ZNF718: variants seen among roughly 807,000 people sequenced by gnomAD.
The protein encoded by ZNF718 is zinc finger protein 718.
Under a neutral mutation model 2.6 loss-of-function variants are expected in ZNF718, and 3 were observed. That is an observed-to-expected ratio of 1.16 (90% confidence interval 0.53 to 3.01). The LOEUF (loss-of-function observed/expected upper bound fraction) is 3.01, where lower values mean the gene tolerates loss of function less well. Among genes scored for constraint, ZNF718 ranks in the 30% most tolerant of loss-of-function variants. ZNF718 has a pLI of 0.03. For missense variants in ZNF718, 468 were observed against 230.0 expected, an observed-to-expected ratio of 2.03 and a Z score of -6.69; for synonymous variants, 135 against 77.9, an observed-to-expected ratio of 1.73 and a Z score of -3.86.
intron 3 of ZNF718, among the ~76,000 whole-genome samples, chr4:159,472 A>G (rs1296322060): frequency 6.6e-6 from 1 of 151,964 alleles, no homozygotes; most frequent in Non-Finnish European, 1.5e-5. Context: ...TGTAACTCCT[A>G]AGATTCTCTT....
intron 3 of ZNF718, among the ~76,000 whole-genome samples, chr4:169,827 G>A (rs1193653531): frequency 6.6e-6 from 1 of 152,132 alleles, no homozygotes; most frequent in East Asian, 1.9e-4. Context: ...TCTTTTAATT[G>A]GAGTATTTAG....
intron 1 of ZNF718, chr4:125,406 G>T (rs989467332): frequency 2.0e-5 from 3 of 152,480 alleles, no homozygotes; most frequent in African/African-American, 7.2e-5. Context: ...ACTGGCGTCT[G>T]CAGGAGAGCA....
chr4:167,349 A>G (rs1717113815), downstream of ZNF718, among the ~76,000 whole-genome samples: 1 of 152,240 alleles, frequency 6.6e-6, no homozygotes. Context: ...TTTTGGTTCC[A>G]TATGAACTTT....
At chr4:135,732 T>TTTTATATATATA (rs1374008024) in intron 3 of ZNF718, among the ~76,000 whole-genome samples, 1 of 77,632 alleles carries the variant, frequency 1.3e-5, no homozygotes, top group African/African-American at 4.4e-5. Flanking sequence ...TACTCTAGAG[T>TTTTATATATATA]TATATATATG....
intron 3 of ZNF718, among the ~76,000 whole-genome samples, chr4:151,876 A>G (rs1247889846): frequency 3.3e-5 from 5 of 150,460 alleles, no homozygotes; most frequent in Non-Finnish European, 5.9e-5. Flanking sequence ...CGTTCAGCAT[A>G]TGGAGGATCC....
chr4:166,850 G>T (rs930720117), downstream of ZNF718, among the ~76,000 whole-genome samples: 90 of 152,198 alleles, frequency 5.9e-4, no homozygotes, highest in Middle Eastern at 3.4e-3. Context: ...AAGCTCTTTA[G>T]TTTAATTAGA....
chr4:158,261 T>C (rs1001961325), intron 3 of ZNF718, among the ~76,000 whole-genome samples: 5 of 152,286 alleles, frequency 3.3e-5, no homozygotes, highest in Admixed American at 3.3e-4. Context: ...CTTTAATCAT[T>C]AGATTTTAAG....
At chr4:178,140 C>CAT (rs1192595857) in intron 3 of ZNF718, among the ~76,000 whole-genome samples, 3 of 142,188 alleles carry the variant, frequency 2.1e-5, no homozygotes, top group East Asian at 5.3e-4. Flanking sequence ...ATGATAATTT[C>CAT]ATTTTTTTTT....
At chr4:128,604 A>G (rs1715288479) in intron 1 of ZNF718, among the ~76,000 whole-genome samples, 1 of 101,442 alleles carries the variant, frequency 9.9e-6, no homozygotes, top group South Asian at 3.2e-4. Context: ...GCACCACACA[A>G]AGTCAGCCTG....
Position 161,548 on chromosome 4 carries a change from G to A in ZNF718, c.863G>A (p.Cys288Tyr), listed in dbSNP as rs1553815178. ...CAAAAATACTACAAATGTGAAGAAT[G>A]TGGTAAAGCCTTTAAGTGGTCCTCA... ...SAQKYYKCEE[C>Y]GKAFKWSSSL... Residue 288 changes from cysteine to tyrosine, a missense_variant, in exon 4 of 4, where the codon TGT (cysteine) becomes TAT (tyrosine). By Grantham distance (194) the Cys-to-Tyr change is radical. Transcript: ENST00000510175. 3 of 780,898 alleles carry A rather than the reference G, an allele frequency of 3.8e-6. No individual in the cohort carries two copies. The highest frequency in any genetic ancestry group is 2.4e-5 in the East Asian group (1 of 41,228). The allele number at this position is 780,898 out of a possible 1,614,324, so 48.4% of individuals were successfully genotyped here. A position where few individuals can be genotyped will look rare whatever the true frequency, so the allele number is the denominator to read the frequency against.
At chr4:144,442 T>C (rs1266440683) in intron 3 of ZNF718, among the ~76,000 whole-genome samples, 1 of 152,212 alleles carries the variant, frequency 6.6e-6, no homozygotes, top group Non-Finnish European at 1.5e-5. Flanking sequence ...ATTCAAATAC[T>C]ATGATTCCTC....
intron 3 of ZNF718, among the ~76,000 whole-genome samples, chr4:176,383 C>T (rs537653742): frequency 6.6e-6 from 1 of 152,216 alleles, no homozygotes; most frequent in South Asian, 2.1e-4. Flanking sequence ...AAGCCCAACC[C>T]CATTGTTTTA....
chr4:126,088 G>A (rs1715203250), intron 1 of ZNF718, among the ~76,000 whole-genome samples: 1 of 152,192 alleles, frequency 6.6e-6, no homozygotes, highest in Admixed American at 6.5e-5. Context: ...CCACCCCATG[G>A]CTCTTGATAG....
At position 184,943 on chromosome 4, in the gene ZNF718, C is replaced by CA. The variant is rs1717538126; in HGVS notation, c.227-16132dup. Among the ~76,000 whole-genome samples the CA allele has an allele frequency of 9.2e-5, 14 of 151,864 alleles. No individual in the cohort carries two copies. The South Asian group carries it at 2.9e-3, about 32-fold the overall frequency. On this transcript the variant is annotated intron_variant and NMD_transcript_variant, in intron 3 of 4. Coordinates refer to the ZNF718 transcript ENST00000642529. ...TAGAAGTCTATTTTATTAATTTTTTCAAAAAAGCTCCTGGATTTGTTGACA... is the reference window on the plus strand; with the variant it reads ...TAGAAGTCTATTTTATTAATTTTTTCAAAAAAAGCTCCTGGATTTGTTGACA...
intron 3 of ZNF718, among the ~76,000 whole-genome samples, chr4:142,273 T>C (rs1553810388): frequency 6.6e-6 from 1 of 152,206 alleles, no homozygotes; most frequent in East Asian, 1.9e-4. Context: ...TTTTTTCTTA[T>C]GCTTCTACAA....
Position 141,747 on chromosome 4 carries a change from G to T in ZNF718, c.226+10242G>T, listed in dbSNP as rs565328738. Among the ~76,000 whole-genome samples, 54 of 152,226 alleles carry T rather than the reference G, an allele frequency of 3.5e-4. 2 individuals carry two copies. The South Asian group carries it at 0.011, about 30-fold the overall frequency. On this transcript the variant is annotated intron_variant, in intron 3 of 3. Coordinates refer to ENST00000510175, the MANE Select transcript of ZNF718 (RefSeq NM_001039127.6). Reference sequence around the variant, plus strand: ...GGTTATTATGTTATTATAAACTGCAGAAATAATCAAATTTCCTTGTATAAA... The same window carrying T: ...GGTTATTATGTTATTATAAACTGCATAAATAATCAAATTTCCTTGTATAAA...
At chr4:190,265 C>T (rs898226010) in intron 3 of ZNF718, among the ~76,000 whole-genome samples, 2 of 151,698 alleles carry the variant, frequency 1.3e-5, no homozygotes, top group Admixed American at 1.3e-4. Context: ...CCCGCCTGTA[C>T]TAAAAATACA....
At chr4:138,214 T>C (rs145733479) in intron 3 of ZNF718, among the ~76,000 whole-genome samples, 23 of 152,344 alleles carry the variant, frequency 1.5e-4, no homozygotes, top group African/African-American at 4.8e-4. Flanking sequence ...CTCTGTGTAC[T>C]AGCAACTGCT....
intron 3 of ZNF718, among the ~76,000 whole-genome samples, chr4:157,856 A>G (rs1201308721): frequency 1.2e-4 from 19 of 152,140 alleles, no homozygotes; most frequent in Admixed American, 1.1e-3. Context: ...TAATTTTTTA[A>G]TACTGCTTTC....
Sources: gnomAD v4.1 joint callset for allele counts (sites outside exome capture counted in the v4.1 genomes callset) on GRCh38, gnomAD v4.1.1 for gene constraint, MANE v1.5 for transcripts, NCBI Gene and HGNC (gene_info 2026-07-23, HGNC 2026-07-21) for gene names.